AOPEP: variants seen among roughly 807,000 people sequenced by gnomAD.
The protein encoded by AOPEP is aminopeptidase O (putative).
Under a neutral mutation model 98.1 loss-of-function variants are expected in AOPEP, and 77 were observed. The observed-to-expected ratio is 0.78, with a 90% CI of 0.65 to 0.95. The LOEUF (loss-of-function observed/expected upper bound fraction) is 0.95, where lower values mean the gene tolerates loss of function less well. Ranked by LOEUF, AOPEP falls within the 40% of genes least tolerant of loss-of-function variation. The pLI is 0.00. For synonymous variants in AOPEP, 346 were observed against 365.3 expected (o/e 0.95, Z 0.60); for missense variants, 1,024 against 1,024.7 (o/e 1.00, Z 0.01).
chr9:94,937,889 T>C (rs1379177790), intron 7 of AOPEP, among the ~76,000 whole-genome samples: 1 of 152,336 alleles, frequency 6.6e-6, no homozygotes, highest in Non-Finnish European at 1.5e-5. Context: ...TTTTTCTTTT[T>C]TGAGATGGAA....
chr9:94,831,753 T>G (rs1564213573), intron 5 of AOPEP, among the ~76,000 whole-genome samples: 1 of 152,006 alleles, frequency 6.6e-6, no homozygotes, highest in Non-Finnish European at 1.5e-5. Flanking sequence ...GTAGTTCTTC[T>G]TGAATGAACT....
chr9:95,060,813 A>G lies in AOPEP; in HGVS notation c.2232+3A>G. ...ACCTCCAGGATCAGGATGCAGAGGT[A>G]ACCAGGAACACTCTCGGAGTTTAAC... On this transcript the variant is annotated splice_donor_region_variant and intron_variant, in intron 14 of 16. Coordinates refer to ENST00000375315, the MANE Select transcript of AOPEP (RefSeq NM_001193329.3). 1 of 1,571,338 alleles carries G rather than the reference A, an allele frequency of 6.4e-7. No individual in the cohort carries two copies. The highest frequency in any genetic ancestry group is 8.8e-7 in the Non-Finnish European group (1 of 1,140,974).
At chr9:94,866,475 C>G (rs2045719389) in intron 5 of AOPEP, among the ~76,000 whole-genome samples, 1 of 152,172 alleles carries the variant, frequency 6.6e-6, no homozygotes, top group Non-Finnish European at 1.5e-5. Context: ...CAAATGATGT[C>G]TACTAGTTCA....
chr9:94,757,163 GA>G (rs1837248121), intron 1 of AOPEP, among the ~76,000 whole-genome samples: 1 of 152,242 alleles, frequency 6.6e-6, no homozygotes, highest in Non-Finnish European at 1.5e-5. Flanking sequence ...TGAATCAAGA[GA>G]AGGTAATACT....
At chr9:95,089,757 C>T (rs910155902), downstream of AOPEP, among the ~76,000 whole-genome samples, 38 of 152,236 alleles carry the variant, frequency 2.5e-4, no homozygotes, top group African/African-American at 9.2e-4. Flanking sequence ...TGCTGTTTCC[C>T]AGCCTCAGCT....
chr9:94,765,595 C>T (rs1385402680), intron 2 of AOPEP, among the ~76,000 whole-genome samples: 1 of 151,248 alleles, frequency 6.6e-6, no homozygotes, highest in African/African-American at 2.4e-5. Flanking sequence ...GAGTGAGACC[C>T]CGTCTTGAAA....
chr9:94,793,148 G>A (rs565312947), intron 4 of AOPEP, among the ~76,000 whole-genome samples: 3 of 152,162 alleles, frequency 2.0e-5, no homozygotes, highest in Non-Finnish European at 2.9e-5. Flanking sequence ...GGTGGATCAC[G>A]AGGTCAAGAG....
chr9:94,879,560 C>G (rs2047339314), intron 5 of AOPEP, among the ~76,000 whole-genome samples: 1 of 152,168 alleles, frequency 6.6e-6, no homozygotes, highest in Non-Finnish European at 1.5e-5. Context: ...AGGAATACCC[C>G]ATAAAGGAAA....
intron 5 of AOPEP, among the ~76,000 whole-genome samples, chr9:94,805,168 AT>A (rs896581280): frequency 1.6e-3 from 238 of 145,524 alleles, no homozygotes; most frequent in African/African-American, 3.2e-3. Context: ...AAGAGATCAA[AT>A]TTTTTTTTTT....
intron 5 of AOPEP, among the ~76,000 whole-genome samples, chr9:94,845,024 C>T (rs2042693804): frequency 6.6e-6 from 1 of 152,188 alleles, no homozygotes; most frequent in African/African-American, 2.4e-5. Context: ...AGCACTATTC[C>T]AGGTGCTCAG....
intron 5 of AOPEP, among the ~76,000 whole-genome samples, chr9:94,918,962 C>G (rs933113771): frequency 4.0e-5 from 6 of 151,518 alleles, no homozygotes; most frequent in Non-Finnish European, 8.8e-5. Context: ...GTTGCCTGGG[C>G]TGGAGTGCAA....
At chr9:95,042,918 G>T (rs2065462803) in intron 13 of AOPEP, among the ~76,000 whole-genome samples, 2 of 152,120 alleles carry the variant, frequency 1.3e-5, no homozygotes, top group Non-Finnish European at 2.9e-5. Flanking sequence ...TAATGTAAAG[G>T]GTAGTGAATT....
chr9:94,822,011 ACG>A (rs1039908774), intron 5 of AOPEP, among the ~76,000 whole-genome samples: 1 of 146,164 alleles, frequency 6.8e-6, no homozygotes, highest in African/African-American at 2.5e-5. Flanking sequence ...ACACACACAC[ACG>A]CAGGCATTCA....
intron 5 of AOPEP, among the ~76,000 whole-genome samples, chr9:94,807,107 C>T (rs1015449537): frequency 1.3e-5 from 2 of 152,122 alleles, no homozygotes; most frequent in Non-Finnish European, 2.9e-5. Context: ...GGCTTTGAGG[C>T]AGCCATAGAA....
intron 10 of AOPEP, among the ~76,000 whole-genome samples, chr9:94,970,754 A>G (rs1474991100): frequency 2.6e-5 from 4 of 151,554 alleles, no homozygotes; most frequent in Non-Finnish European, 5.9e-5. Flanking sequence ...ATCCCATCAC[A>G]TGTGGCTGTT....
At chr9:94,820,872 C>T (rs1852932446) in intron 5 of AOPEP, among the ~76,000 whole-genome samples, 1 of 152,174 alleles carries the variant, frequency 6.6e-6, no homozygotes, top group Non-Finnish European at 1.5e-5. Context: ...AAGTCTCTCG[C>T]CCCCAACCTA....
chr9:94,766,401 G>A (rs891880198), intron 2 of AOPEP, among the ~76,000 whole-genome samples: 5 of 152,332 alleles, frequency 3.3e-5, no homozygotes, highest in African/African-American at 1.2e-4. Context: ...GCCGGGCGTG[G>A]TGGCGGGCGC....
At chr9:94,752,603 G>GTT (rs1397287119) in intron 1 of AOPEP, among the ~76,000 whole-genome samples, 1 of 152,142 alleles carries the variant, frequency 6.6e-6, no homozygotes, top group African/African-American at 2.4e-5. Context: ...ACATACAACT[G>GTT]TTAAAAGAGT....
chr9:95,117,481 A>G, the AOPEP span: 2 of 965,300 alleles, frequency 2.1e-6, no homozygotes, highest in Non-Finnish European at 3.3e-6. Context: ...TGCCCAAAAA[A>G]GACCCACCAG....
Sources: gnomAD v4.1 joint callset for allele counts (sites outside exome capture counted in the v4.1 genomes callset) on GRCh38, gnomAD v4.1.1 for gene constraint, MANE v1.5 for transcripts, NCBI Gene and HGNC (gene_info 2026-07-23, HGNC 2026-07-21) for gene names.